The following EIF2S3 variants were observed in gnomAD, a reference collection of about 807,000 sequenced individuals.
EIF2S3 encodes eukaryotic translation initiation factor 2 subunit gamma.
A neutral mutation model predicts 31.7 loss-of-function variants in EIF2S3; 2 were observed. The observed-to-expected ratio is 0.06, with a 90% CI of 0.03 to 0.20. The LOEUF is 0.20. Ranked by LOEUF, EIF2S3 falls within the 10% of genes least tolerant of loss-of-function variation. EIF2S3 has a pLI of 1.00. For synonymous variants in EIF2S3, 120 were observed against 126.7 expected (o/e 0.95, Z 0.36); for missense variants, 96 against 359.3 (o/e 0.27, Z 5.92).
chrX:24,060,310 T>C, intron 5 of EIF2S3, 128 bp downstream of exon 5: 1 of 534,141 alleles, frequency 1.9e-6, no homozygotes, highest in Non-Finnish European at 3.1e-6. Context: ...GGAACTAACA[T>C]GTCATCCAGG....
chrX:24,067,352 T>TAA (rs946725236), intron 8 of EIF2S3, among the ~76,000 whole-genome samples: 8 of 111,507 alleles, frequency 7.2e-5, no homozygotes, highest in African/African-American at 2.6e-4. Flanking sequence ...TTTCTTTGTT[T>TAA]TCTGTTATGT....
rs146578591 is a variant in EIF2S3 at position 24,064,824 on chromosome X, C to T, written c.772+489C>T. On this transcript the variant is annotated intron_variant, in intron 7 of 11. Transcript: ENST00000253039. The stretch of plus-strand genomic sequence containing the variant: ...AGCCTGGGCAACAAGAGTGAAACTG[C>T]GTCTCAAAAAAACCCAAAAACAACT... 4.7e-4 allele frequency among the ~76,000 whole-genome samples: 52 copies of T among 111,368 alleles called. No individual in the cohort carries two copies. The East Asian group carries it at 0.013, about 27-fold the overall frequency.
chrX:24,077,032 T>A lies in EIF2S3; in HGVS notation c.*247T>A, dbSNP rs1305619807. 20 of 273,534 alleles carry A rather than the reference T, an allele frequency of 7.3e-5. No individual in the cohort carries two copies. In the East Asian group the frequency reaches 1.2e-3, roughly 17 times the overall value. The allele number at this position is 273,534 out of a possible 1,213,427, so 22.5% of individuals were successfully genotyped here. On this transcript the variant is annotated 3_prime_UTR_variant, in exon 12 of 12. Transcript: ENST00000253039. ...CTACATTTTGGCAGAAGTTAAACAT[T>A]CCCACATAATGTCAAAATTATACAT...
chrX:24,055,659 A>G lies in EIF2S3; in HGVS notation c.114A>G (p.Arg38=). ...CACTTTCACACGAAGTTATCAGCAGACAAGCCACAATTAACATAGGTAAGA... is the reference window on the plus strand; with the variant it reads ...CACTTTCACACGAAGTTATCAGCAGGCAAGCCACAATTAACATAGGTAAGA... ...LTPLSHEVIS[R]QATINIGTIG... The change falls in exon 2 of 12, where the codon AGA becomes AGG. Residue 38 remains arginine, a synonymous_variant. Coordinates refer to ENST00000253039, the MANE Select transcript of EIF2S3 (RefSeq NM_001415.4). 8.3e-7 allele frequency: 1 copy of G among 1,211,647 alleles called. No homozygotes were observed. Among genetic ancestry groups the G allele is most frequent in the Non-Finnish European group, 1.1e-6 (1 of 895,129 alleles).
intron 9 of EIF2S3, among the ~76,000 whole-genome samples, chrX:24,069,686 C>CTTTTTTTTTTT (rs754589833): frequency 3.3e-5 from 2 of 60,986 alleles, no homozygotes; most frequent in East Asian, 5.1e-4. Context: ...TTTTTAATTT[C>CTTTTTTTTTTT]TTTTTTTTTT....
intron 8 of EIF2S3, among the ~76,000 whole-genome samples, chrX:24,067,485 G>A (rs1435524494): frequency 1.2e-5 from 1 of 84,476 alleles, no homozygotes; most frequent in Non-Finnish European, 2.3e-5. Context: ...TGACAGTCTC[G>A]TTCACATCTT....
intron 10 of EIF2S3, among the ~76,000 whole-genome samples, chrX:24,072,217 A>T (rs1206090058): frequency 9.0e-6 from 1 of 111,504 alleles, no homozygotes; most frequent in African/African-American, 3.3e-5. Context: ...TAAGAAAGAA[A>T]CTTAATAAAC....
intron 9 of EIF2S3, among the ~76,000 whole-genome samples, chrX:24,070,766 C>T (rs1344516469): frequency 9.0e-6 from 1 of 111,725 alleles, no homozygotes; most frequent in African/African-American, 3.3e-5. Context: ...TCTTTTCAAT[C>T]AGTCTTTCAG....
chrX:24,075,689 T>C (rs1930743555), intron 11 of EIF2S3, among the ~76,000 whole-genome samples: 1 of 111,060 alleles, frequency 9.0e-6, no homozygotes, highest in Admixed American at 9.7e-5. Context: ...GCCCTAACTG[T>C]CCCCATAATT....
rs756943995 is a variant in EIF2S3 at position 24,073,296 on chromosome X, A to G, written c.1355+33A>G. The G allele has an allele frequency of 2.5e-6, 3 of 1,201,785 alleles. No individual in the cohort carries two copies. In the South Asian group the frequency reaches 5.4e-5, roughly 21 times the overall value. ...TGTTAGTCTTTGCCACTGTCTAATT[A>G]AAAAAAGACACAGTCTTGTACAGAA... is the stretch of plus-strand genomic sequence containing the variant. On this transcript the variant is annotated intron_variant, in intron 11 of 11. Coordinates refer to ENST00000253039, the MANE Select transcript of EIF2S3 (RefSeq NM_001415.4).
chrX:24,058,209 C>T (rs1194852006), intron 4 of EIF2S3, among the ~76,000 whole-genome samples: 2 of 111,777 alleles, frequency 1.8e-5, no homozygotes, highest in Admixed American at 9.6e-5. Context: ...TGGAGATGCC[C>T]TACAAGGAAT....
chrX:24,056,860 C>G (rs141524147), intron 2 of EIF2S3, among the ~76,000 whole-genome samples: 2 of 111,167 alleles, frequency 1.8e-5, no homozygotes, highest in Non-Finnish European at 3.8e-5. Flanking sequence ...CCCTGTCTGT[C>G]CCAGAGTATA....
At chrX:24,059,851 C>A (rs769857201) in intron 4 of EIF2S3, among the ~76,000 whole-genome samples, 54 of 112,173 alleles carry the variant, frequency 4.8e-4, no homozygotes, top group Non-Finnish European at 9.6e-4. Context: ...TATTCATTTT[C>A]ATTGGATTTT....
intron 11 of EIF2S3, 144 bp from the exon 12 acceptor site, chrX:24,076,578 G>T: frequency 3.9e-6 from 2 of 518,070 alleles, no homozygotes; most frequent in Non-Finnish European, 3.2e-6. Context: ...TAAGAATATA[G>T]TGTGGGCTTT....
intron 10 of EIF2S3, among the ~76,000 whole-genome samples, chrX:24,072,008 T>C (rs2147130979): frequency 9.2e-6 from 1 of 108,473 alleles, no homozygotes; most frequent in African/African-American, 3.4e-5. Context: ...CCCAAGTATA[T>C]GGGACTACAG....
intron 9 of EIF2S3, 125 bp from the exon 10 acceptor site, chrX:24,071,433 A>T: frequency 1.5e-6 from 1 of 671,123 alleles, no homozygotes. Flanking sequence ...TCAGGCATCC[A>T]CCTGCCTCGG....
intron 1 of EIF2S3, 31 bp from the exon 2 acceptor site, chrX:24,055,584 G>A (rs751161180): frequency 8.4e-6 from 10 of 1,192,207 alleles, no homozygotes; most frequent in Admixed American, 6.6e-5. Flanking sequence ...TTTGTTTTAC[G>A]TGCAGTGTTT....
chrX:24,066,852 G>A (rs970293725), intron 8 of EIF2S3, among the ~76,000 whole-genome samples: 1 of 111,704 alleles, frequency 9.0e-6, no homozygotes, highest in Admixed American at 9.6e-5. Context: ...TCTGTTCATG[G>A]GCACTTAGGT....
intron 3 of EIF2S3, 36 bp from the exon 4 acceptor site, chrX:24,057,597 A>G (rs1930423141): frequency 2.5e-6 from 3 of 1,207,846 alleles, no homozygotes; most frequent in South Asian, 1.8e-5. Flanking sequence ...TGTTGTGCAG[A>G]TAACAAATCA....
Sources: gnomAD v4.1 joint callset for allele counts (sites outside exome capture counted in the v4.1 genomes callset) on GRCh38, gnomAD v4.1.1 for gene constraint, MANE v1.5 for transcripts, NCBI Gene and HGNC (gene_info 2026-07-23, HGNC 2026-07-21) for gene names.